Variants in CALN1 observed in about 807,000 individuals in gnomAD.
CALN1 encodes the protein calcium-binding protein 8.
CALN1 carries 17 observed loss-of-function variants against 30.6 expected under a neutral mutation model. That is an observed-to-expected ratio of 0.56 (90% CI 0.38 to 0.83). CALN1 has a LOEUF of 0.83. CALN1 is among the 40% of genes least tolerant of loss of function. The pLI is 0.00. For missense variants in CALN1, 291 were observed against 354.9 expected (o/e 0.82, Z 1.45); for synonymous variants, 156 against 131.4 (o/e 1.19, Z -1.28).
At chr7:72,029,393 T>C (rs1412624812) in intron 4 of CALN1, among the ~76,000 whole-genome samples, 2 of 152,136 alleles carry the variant, frequency 1.3e-5, no homozygotes. Flanking sequence ...GGATTACAGG[T>C]GTGAGCCACC....
chr7:72,313,031 C>T (rs564561284), intron 2 of CALN1, among the ~76,000 whole-genome samples: 4 of 152,230 alleles, frequency 2.6e-5, no homozygotes, highest in Admixed American at 2.6e-4. Context: ...GACAGGGTTT[C>T]ACCATGTTGG....
At chr7:71,923,903 G>A (rs1235256264) in intron 5 of CALN1, among the ~76,000 whole-genome samples, 2 of 152,070 alleles carry the variant, frequency 1.3e-5, no homozygotes, top group African/African-American at 4.8e-5. Flanking sequence ...CCAAGATTAG[G>A]ATTTCAGGGC....
In CALN1 at chr7:71,908,186, C is replaced by T. The variant is rs1364072343; in HGVS notation, c.502-97694G>A. On this transcript the variant is annotated intron_variant, in intron 5 of 6. Coordinates refer to ENST00000395275, the MANE Select transcript of CALN1 (RefSeq NM_031468.4). The stretch of plus-strand genomic sequence containing the variant: ...TCTGACCTCCTGAACCCTTTGGTGG[C>T]CCCCTTTGTTGCAGGCCTCCACCCA... Among the ~76,000 whole-genome samples, 3 of 152,162 alleles carry T rather than the reference C, an allele frequency of 2.0e-5. No individual in the cohort carries two copies. The East Asian group carries it at 5.8e-4, about 29-fold the overall frequency.
the CALN1 span, among the ~76,000 whole-genome samples, chr7:72,500,008 C>A: frequency 6.7e-6 from 1 of 150,150 alleles, no homozygotes; most frequent in Non-Finnish European, 1.5e-5. Context: ...GCCTCCCAGG[C>A]TCAAGCGATT....
Position 71,785,599 on chromosome 7 carries a change from G to A in CALN1, c.*2176C>T, listed in dbSNP as rs920143893. The stretch of plus-strand genomic sequence containing the variant: ...AGGGTCCTGCACCCCTATGGATGTG[G>A]TTGGGTGGTTCGGGGGTCAGGGAAA... On this transcript the variant is annotated 3_prime_UTR_variant, in exon 7 of 7. Transcript: ENST00000395275. 6.6e-6 allele frequency: 1 copy of A among 152,240 alleles called. No homozygotes were observed. Among genetic ancestry groups the A allele is most frequent in the Non-Finnish European group, 1.5e-5 (1 of 68,078 alleles). 9.4% of individuals were successfully genotyped at this position (152,240 alleles called of 1,614,324 possible). A position where few individuals can be genotyped will look rare whatever the true frequency, so the allele number is the denominator to read the frequency against.
At chr7:71,859,083 A>C (rs1447826384) in intron 5 of CALN1, among the ~76,000 whole-genome samples, 3 of 151,904 alleles carry the variant, frequency 2.0e-5, no homozygotes, top group Non-Finnish European at 4.4e-5. Context: ...TTGTTTTTGG[A>C]GACAGAGTTT....
intron 2 of CALN1, among the ~76,000 whole-genome samples, chr7:72,327,896 A>C (rs1458753091): frequency 6.6e-6 from 1 of 152,196 alleles, no homozygotes; most frequent in Non-Finnish European, 1.5e-5. Flanking sequence ...CTTGGTTTCA[A>C]CCTCTATGAG....
At chr7:72,326,841 T>C (rs1219586092) in intron 2 of CALN1, among the ~76,000 whole-genome samples, 1 of 152,164 alleles carries the variant, frequency 6.6e-6, no homozygotes, top group East Asian at 1.9e-4. Context: ...TGTTTGACAG[T>C]GCACATGTCA....
At chr7:72,160,338 G>C (rs1161699379) in intron 3 of CALN1, among the ~76,000 whole-genome samples, 1 of 151,254 alleles carries the variant, frequency 6.6e-6, no homozygotes, top group Non-Finnish European at 1.5e-5. Flanking sequence ...GAGTGCAGTA[G>C]TGCAATCTAG....
At chr7:72,285,224 T>C (rs1585360866) in intron 2 of CALN1, among the ~76,000 whole-genome samples, 1 of 152,162 alleles carries the variant, frequency 6.6e-6, no homozygotes, top group African/African-American at 2.4e-5. Flanking sequence ...TTCCTGGTAA[T>C]TCTTTCTTAC....
intron 2 of CALN1, among the ~76,000 whole-genome samples, chr7:72,321,626 A>G (rs1048427440): frequency 7.2e-5 from 11 of 152,228 alleles, no homozygotes; most frequent in African/African-American, 2.4e-4. Flanking sequence ...AAAGAATTTC[A>G]TTAAGCTTCT....
At chr7:71,814,771 G>C (rs2116248194) in intron 5 of CALN1, among the ~76,000 whole-genome samples, 1 of 151,334 alleles carries the variant, frequency 6.6e-6, no homozygotes, top group Middle Eastern at 3.5e-3. Flanking sequence ...CTTCTCCCTA[G>C]ATTACTTTAT....
At chr7:72,165,717 C>G (rs1788476656) in intron 3 of CALN1, among the ~76,000 whole-genome samples, 1 of 151,774 alleles carries the variant, frequency 6.6e-6, no homozygotes, top group Non-Finnish European at 1.5e-5. Flanking sequence ...TAAAATTGCC[C>G]AGAAATAAAT....
rs536454054 is a variant in CALN1 at position 72,169,123 on chromosome 7, G to A, written c.245-62829C>T. Reference sequence around the variant, plus strand: ...ATCTAGCCCTATTTATTTCTTTATCGCCTTCTTCCCTACATTTACACATAC... The same window carrying A: ...ATCTAGCCCTATTTATTTCTTTATCACCTTCTTCCCTACATTTACACATAC... On this transcript the variant is annotated intron_variant, in intron 3 of 6. Coordinates refer to ENST00000395275, the MANE Select transcript of CALN1 (RefSeq NM_031468.4). Among the ~76,000 whole-genome samples, 7 of 150,648 alleles carry A rather than the reference G, an allele frequency of 4.6e-5. 1 individual carries two copies. The highest frequency in any genetic ancestry group is 4.0e-4 in the Admixed American group (6 of 15,132).
chr7:71,930,330 G>A (rs1168648047), intron 5 of CALN1, among the ~76,000 whole-genome samples: 3 of 152,096 alleles, frequency 2.0e-5, no homozygotes, highest in East Asian at 1.9e-4. Context: ...ACATAATGTC[G>A]AACACCTTTT....
intron 2 of CALN1, among the ~76,000 whole-genome samples, chr7:72,365,116 C>T (rs373747187): frequency 2.0e-5 from 3 of 152,122 alleles, no homozygotes; most frequent in East Asian, 1.9e-4. Context: ...ATCAGCCTGG[C>T]CAGCATGGTG....
intron 3 of CALN1, among the ~76,000 whole-genome samples, chr7:72,208,607 A>G (rs976851112): frequency 6.6e-6 from 1 of 152,244 alleles, no homozygotes; most frequent in Admixed American, 6.5e-5. Flanking sequence ...TGGGTGGCAG[A>G]ATGCCTGGAG....
At chr7:72,377,131 A>C (rs1311441314) in intron 2 of CALN1, among the ~76,000 whole-genome samples, 1 of 152,152 alleles carries the variant, frequency 6.6e-6, no homozygotes, top group Non-Finnish European at 1.5e-5. Flanking sequence ...GAGTCCTCCA[A>C]CGTTTTTCTC....
At chr7:72,272,623 G>A (rs1026463733) in intron 3 of CALN1, among the ~76,000 whole-genome samples, 2 of 152,144 alleles carry the variant, frequency 1.3e-5, no homozygotes, top group East Asian at 1.9e-4. Context: ...ACATGTGAGA[G>A]GCTGGGAATT....
Sources: allele counts gnomAD v4.1 joint callset (sites outside exome capture counted in the v4.1 genomes callset), GRCh38; gene constraint gnomAD v4.1.1; transcripts MANE v1.5; gene names NCBI Gene and HGNC (gene_info 2026-07-23, HGNC 2026-07-21).